Variants in GPC5 observed in about 807,000 individuals in gnomAD.
The protein encoded by GPC5 is glypican-5.
A neutral mutation model predicts 53.9 loss-of-function variants in GPC5; 47 were observed. That is an observed-to-expected ratio of 0.87 (90% CI 0.69 to 1.11). The LOEUF is 1.11. Ranked by LOEUF, GPC5 falls within the 50% of genes most tolerant of loss-of-function variation. The pLI, the probability that GPC5 is intolerant of heterozygous loss-of-function variation, is 0.00. For missense variants in GPC5, 748 were observed against 713.1 expected (o/e 1.05, Z -0.56); for synonymous variants, 286 against 263.3 (o/e 1.09, Z -0.84).
intron 6 of GPC5, among the ~76,000 whole-genome samples, chr13:91,938,766 T>A (rs551682826): frequency 6.6e-5 from 10 of 152,234 alleles, no homozygotes; most frequent in African/African-American, 2.4e-4. Flanking sequence ...TATTAAAAAA[T>A]TGACAAATGT....
chr13:91,689,729 C>T (rs2035715652), intron 2 of GPC5, among the ~76,000 whole-genome samples: 1 of 152,026 alleles, frequency 6.6e-6, no homozygotes, highest in African/African-American at 2.4e-5. Flanking sequence ...CGTCTTCCGC[C>T]TCCACATCTT....
intron 7 of GPC5, among the ~76,000 whole-genome samples, chr13:92,378,403 C>A (rs1479564044): frequency 6.6e-6 from 1 of 152,156 alleles, no homozygotes; most frequent in Non-Finnish European, 1.5e-5. Flanking sequence ...CTTCACATAT[C>A]CTTAGCTTCT....
intron 7 of GPC5, among the ~76,000 whole-genome samples, chr13:92,325,356 A>G (rs937077053): frequency 6.6e-6 from 1 of 152,074 alleles, no homozygotes; most frequent in African/African-American, 2.4e-5. Context: ...AGATTGTAAT[A>G]TCATTGACAC....
intron 7 of GPC5, among the ~76,000 whole-genome samples, chr13:92,502,198 CAT>C (rs551410527): frequency 8.2e-4 from 124 of 151,988 alleles, no homozygotes; most frequent in South Asian, 6.4e-3. Flanking sequence ...CACACACACA[CAT>C]GTCTGCAAAT....
At chr13:92,245,953 A>G (rs2042647565) in intron 7 of GPC5, among the ~76,000 whole-genome samples, 1 of 152,010 alleles carries the variant, frequency 6.6e-6, no homozygotes, top group Non-Finnish European at 1.5e-5. Flanking sequence ...GGTGGGCCCT[A>G]TATTATTCAT....
At chr13:92,597,234 C>A (rs913674002) in intron 7 of GPC5, among the ~76,000 whole-genome samples, 2 of 150,396 alleles carry the variant, frequency 1.3e-5, no homozygotes, top group African/African-American at 4.9e-5. Context: ...ACATCCTCAT[C>A]TTCTGGAGTT....
chr13:92,447,344 CT>C (rs929626093), intron 7 of GPC5: 24 of 151,938 alleles, frequency 1.6e-4, no homozygotes, highest in African/African-American at 5.8e-4. Flanking sequence ...TCTCTTTGGT[CT>C]TTTAGATGAG....
At chr13:91,816,863 T>C (rs1289947068) in intron 5 of GPC5, among the ~76,000 whole-genome samples, 1 of 152,122 alleles carries the variant, frequency 6.6e-6, no homozygotes, top group Non-Finnish European at 1.5e-5. Context: ...CTTAGCAGTG[T>C]GGACTTGGTA....
intron 7 of GPC5, among the ~76,000 whole-genome samples, chr13:92,245,973 T>C (rs1417237006): frequency 6.6e-6 from 1 of 152,050 alleles, no homozygotes; most frequent in Non-Finnish European, 1.5e-5. Context: ...TTTTCTTGTT[T>C]AGTATAAAGG....
intron 7 of GPC5, chr13:92,709,657 C>G (rs1006562980): frequency 4.6e-5 from 7 of 152,180 alleles, no homozygotes. Context: ...CACTCTGTCA[C>G]TTTTCCTCAC....
At chr13:92,715,522 CAG>C (rs1414206807) in intron 7 of GPC5, among the ~76,000 whole-genome samples, 5 of 152,146 alleles carry the variant, frequency 3.3e-5, no homozygotes, top group Admixed American at 3.3e-4. Flanking sequence ...GCAAATAAAA[CAG>C]AGAATTAACA....
chr13:92,116,527 TTGTG>T (rs1465936378), intron 6 of GPC5, among the ~76,000 whole-genome samples: 14 of 152,238 alleles, frequency 9.2e-5, no homozygotes. Context: ...CTGTACGCAT[TTGTG>T]TACAAGTTGT....
intron 1 of GPC5, among the ~76,000 whole-genome samples, chr13:91,419,387 G>A (rs943477162): frequency 2.6e-5 from 4 of 152,088 alleles, no homozygotes; most frequent in South Asian, 4.1e-4. Context: ...CAAAATACAC[G>A]TACATTTTAT....
intron 7 of GPC5, among the ~76,000 whole-genome samples, chr13:92,644,220 A>G (rs1223310551): frequency 2.6e-5 from 4 of 152,174 alleles, no homozygotes; most frequent in Admixed American, 6.5e-5. Context: ...ACACAGGCAC[A>G]TTACCTAACA....
intron 6 of GPC5, among the ~76,000 whole-genome samples, chr13:91,964,690 G>T (rs967104340): frequency 1.1e-4 from 17 of 152,022 alleles, no homozygotes; most frequent in African/African-American, 4.1e-4. Flanking sequence ...CAAAAGCCCA[G>T]CCAGCTTCAC....
intron 2 of GPC5, among the ~76,000 whole-genome samples, chr13:91,534,704 C>T (rs1886504804): frequency 6.6e-6 from 1 of 152,196 alleles, no homozygotes; most frequent in African/African-American, 2.4e-5. Context: ...TGACCACACT[C>T]ATTAACCATA....
In GPC5 at chr13:91,571,868, TATATATACACACATATAC is replaced by T. The variant is rs1566515827; in HGVS notation, c.326-121318_326-121301del. Among the ~76,000 whole-genome samples, 20 of 104,450 alleles carry T rather than the reference TATATATACACACATATAC, an allele frequency of 1.9e-4. 1 individual carries two copies. Among genetic ancestry groups the T allele is most frequent in the South Asian group, 6.4e-4 (2 of 3,136 alleles). 68.5% of individuals were successfully genotyped at this position (104,450 alleles called of 152,430 possible). On this transcript the variant is annotated intron_variant, in intron 2 of 7. Coordinates refer to ENST00000377067, the MANE Select transcript of GPC5 (RefSeq NM_004466.6). ...GTGTATATACACATATACGTGTGTGTATATATACACACATATACGTGTGTATATACACATATTGTATAT... is the reference window on the plus strand; with the variant it reads ...GTGTATATACACATATACGTGTGTGTGTGTGTATATACACATATTGTATAT...
intron 6 of GPC5, among the ~76,000 whole-genome samples, chr13:92,099,474 C>T (rs1028806787): frequency 6.6e-5 from 10 of 152,184 alleles, no homozygotes; most frequent in African/African-American, 1.7e-4. Flanking sequence ...TTTTTAAATA[C>T]TTTTACACTC....
At chr13:91,773,112 T>A (rs902351236) in intron 5 of GPC5, among the ~76,000 whole-genome samples, 1 of 152,170 alleles carries the variant, frequency 6.6e-6, no homozygotes, top group Non-Finnish European at 1.5e-5. Context: ...TTCTACATAA[T>A]GAATTTTGCA....
Sources: allele counts gnomAD v4.1 joint callset (sites outside exome capture counted in the v4.1 genomes callset), GRCh38; gene constraint gnomAD v4.1.1; transcripts MANE v1.5; gene names NCBI Gene and HGNC (gene_info 2026-07-23, HGNC 2026-07-21).